The following VEGFC variants were observed in gnomAD, a reference collection of about 807,000 sequenced individuals.
VEGFC encodes FLT4 ligand DHM.
A neutral mutation model predicts 46.1 loss-of-function variants in VEGFC; 12 were observed. The ratio of observed to expected loss-of-function variants is 0.26; its 90% CI spans 0.17 to 0.42. The LOEUF (loss-of-function observed/expected upper bound fraction) is 0.42, where lower values mean the gene tolerates loss of function less well. VEGFC is among the 10% of genes least tolerant of loss of function. VEGFC has a pLI of 1.00. For missense variants in VEGFC, 488 were observed against 529.4 expected (o/e 0.92, Z 0.77); for synonymous variants, 232 against 195.5 (o/e 1.19, Z -1.56).
intron 4 of VEGFC, among the ~76,000 whole-genome samples, chr4:176,692,095 C>T (rs1209858407): frequency 6.6e-6 from 1 of 152,018 alleles, no homozygotes; most frequent in Non-Finnish European, 1.5e-5. Context: ...TTCCGACGGG[C>T]TTAAAAAACG....
chr4:176,689,413 G>A (rs1029472911), intron 4 of VEGFC: 1 of 152,118 alleles, frequency 6.6e-6, no homozygotes, highest in Non-Finnish European at 1.5e-5. Flanking sequence ...CCAAAATGCA[G>A]CTTGAACATC....
chr4:176,722,252 A>G lies in VEGFC; in HGVS notation c.552+5526T>C, dbSNP rs542366155. On this transcript the variant is annotated intron_variant, in intron 3 of 6. Transcript: ENST00000618562. ...TTGGGAAGAAGTTGACAAAACTCAT[A>G]TCAACATTGTAAATCTATTATAAAA... Among the ~76,000 whole-genome samples the G allele has an allele frequency of 4.6e-5, 7 of 152,254 alleles. No individual in the cohort carries two copies. The South Asian group carries it at 6.2e-4, about 14-fold the overall frequency.
chr4:176,692,793 C>T (rs1185979712), intron 4 of VEGFC, among the ~76,000 whole-genome samples: 1 of 146,990 alleles, frequency 6.8e-6, no homozygotes, highest in Non-Finnish European at 1.5e-5. Flanking sequence ...AACGGGCAGA[C>T]TGCTTCCTCA....
intron 1 of VEGFC, among the ~76,000 whole-genome samples, chr4:176,783,458 G>A (rs1391344245): frequency 6.6e-6 from 1 of 152,130 alleles, no homozygotes; most frequent in Non-Finnish European, 1.5e-5. Flanking sequence ...CATCAAAGTA[G>A]CAACATTAGC....
At chr4:176,722,861 T>A (rs189994626) in intron 3 of VEGFC, among the ~76,000 whole-genome samples, 1 of 152,284 alleles carries the variant, frequency 6.6e-6, no homozygotes, top group Admixed American at 6.5e-5. Context: ...GAGCAATTTT[T>A]ATGCTACTGA....
intron 1 of VEGFC, among the ~76,000 whole-genome samples, chr4:176,730,373 G>A (rs566460970): frequency 9.1e-4 from 139 of 152,038 alleles, no homozygotes; most frequent in South Asian, 4.4e-3. Flanking sequence ...TCTTATTGAC[G>A]GCTAACTGCA....
intron 4 of VEGFC, among the ~76,000 whole-genome samples, chr4:176,709,732 A>C (rs1479729596): frequency 6.6e-6 from 1 of 152,208 alleles, no homozygotes; most frequent in Non-Finnish European, 1.5e-5. Flanking sequence ...ATTTGTGCTC[A>C]GTTCTTTGAG....
chr4:176,737,168 C>G (rs1486014376), intron 1 of VEGFC, among the ~76,000 whole-genome samples: 1 of 149,298 alleles, frequency 6.7e-6, no homozygotes, highest in Non-Finnish European at 1.5e-5. Context: ...GAAATGTAAA[C>G]CACCATAAAA....
intron 3 of VEGFC, among the ~76,000 whole-genome samples, chr4:176,713,188 A>G (rs1295756460): frequency 1.3e-5 from 2 of 152,228 alleles, no homozygotes; most frequent in African/African-American, 4.8e-5. Context: ...ATCTGCATAG[A>G]TAACTTCACT....
At chr4:176,767,259 G>T (rs572671571) in intron 1 of VEGFC, among the ~76,000 whole-genome samples, 1 of 151,862 alleles carries the variant, frequency 6.6e-6, no homozygotes, top group Admixed American at 6.6e-5. Flanking sequence ...CCATGAAAAG[G>T]CAAAATAAAA....
At chr4:176,713,817 G>C (rs1734655728) in intron 3 of VEGFC, among the ~76,000 whole-genome samples, 1 of 152,184 alleles carries the variant, frequency 6.6e-6, no homozygotes, top group South Asian at 2.1e-4. Flanking sequence ...CAGGAGGGGA[G>C]ACTGTCAAGC....
chr4:176,754,139 C>A (rs1268262686), intron 1 of VEGFC, among the ~76,000 whole-genome samples: 1 of 151,662 alleles, frequency 6.6e-6, no homozygotes, highest in Admixed American at 6.6e-5. Flanking sequence ...ATTTCGAATT[C>A]TTTCAATGGT....
Position 176,792,414 on chromosome 4 carries a change from G to A in VEGFC, c.-103C>T. 1 of 944,670 alleles carries A rather than the reference G, an allele frequency of 1.1e-6. No homozygotes were observed. The highest frequency in any genetic ancestry group is 1.4e-6 in the Non-Finnish European group (1 of 693,880). 58.5% of individuals were successfully genotyped at this position (944,670 alleles called of 1,614,324 possible). On this transcript the variant is annotated 5_prime_UTR_variant, in exon 1 of 7. Coordinates refer to ENST00000618562, the MANE Select transcript of VEGFC (RefSeq NM_005429.5). The surrounding 1 kb of genome is among the most constrained non-coding windows in gnomAD (Gnocchi z 6.3). ...GGGCCCCTCCTGGTCCCTCTCCCCC[G>A]GGCTCCTCCCGGCGACCCCCCCTGG... is the stretch of plus-strand genomic sequence containing the variant.
intron 1 of VEGFC, among the ~76,000 whole-genome samples, chr4:176,734,824 ACAAT>A (rs1446670553): frequency 6.6e-6 from 1 of 151,866 alleles, no homozygotes; most frequent in Non-Finnish European, 1.5e-5. Context: ...CTGTGGGAAA[ACAAT>A]CAACAGACTT....
chr4:176,707,429 T>C (rs772627506), intron 4 of VEGFC, among the ~76,000 whole-genome samples: 3 of 152,182 alleles, frequency 2.0e-5, no homozygotes, highest in Non-Finnish European at 4.4e-5. Context: ...ATCATATATA[T>C]ATTATCACTA....
intron 1 of VEGFC, among the ~76,000 whole-genome samples, chr4:176,761,247 C>T (rs1007622276): frequency 6.6e-6 from 1 of 152,160 alleles, no homozygotes; most frequent in Non-Finnish European, 1.5e-5. Context: ...GTGTAAGTAT[C>T]AGTGAGAACT....
intron 1 of VEGFC, among the ~76,000 whole-genome samples, chr4:176,748,971 TA>T (rs1324424645): frequency 6.6e-6 from 1 of 151,926 alleles, no homozygotes; most frequent in Non-Finnish European, 1.5e-5. Flanking sequence ...AAATGATGGG[TA>T]AACATATATA....
In VEGFC at chr4:176,729,601, T is replaced by C; in HGVS notation, c.293A>G (p.Asn98Ser). Residue 98 changes from asparagine to serine, a missense_variant, in exon 2 of 7, where the codon AAC becomes AGC. Transcript: ENST00000618562. ...AGTCTCTTCTGTCCTTGAGTTGAGG[T>C]TGGCCTGTTCTCTGTTATGTTGCCA... ...GGWQHNREQA[N>S]LNSRTEETIK... The C allele has an allele frequency of 6.2e-7, 1 of 1,613,884 alleles. No individual in the cohort carries two copies. The highest frequency in any genetic ancestry group is 1.1e-5 in the South Asian group (1 of 91,082).
chr4:176,789,577 G>C (rs537089176), intron 1 of VEGFC, among the ~76,000 whole-genome samples: 2 of 152,252 alleles, frequency 1.3e-5, no homozygotes, highest in South Asian at 4.1e-4. Flanking sequence ...CTTCAGACTT[G>C]CTATTCTCTT....
Sources: gnomAD v4.1 joint callset for allele counts (sites outside exome capture counted in the v4.1 genomes callset) on GRCh38, gnomAD v4.1.1 for gene constraint, Gnocchi (gnomAD v3.1) non-coding constraint, MANE v1.5 for transcripts, NCBI Gene and HGNC (gene_info 2026-07-23, HGNC 2026-07-21) for gene names.